PPP4R4: variants seen among roughly 807,000 people sequenced by gnomAD.
PPP4R4 encodes protein phosphatase 4 regulatory subunit 4, also known as serine/threonine-protein phosphatase 4 regulatory subunit 4.
PPP4R4 carries 70 observed loss-of-function variants against 121.8 expected under a neutral mutation model. The observed-to-expected ratio is 0.57, with a 90% CI of 0.47 to 0.70. The LOEUF is 0.70. PPP4R4 is among the 30% of genes least tolerant of loss of function. The probability of loss-of-function intolerance (pLI) is 0.00; values close to 1 mark genes in which losing one functional copy is unlikely to be tolerated. For missense variants in PPP4R4, 875 were observed against 1,033.6 expected (o/e 0.85, Z 2.10); for synonymous variants, 348 against 355.7 (o/e 0.98, Z 0.24).
intron 3 of PPP4R4, among the ~76,000 whole-genome samples, chr14:94,228,943 A>G (rs1004236947): frequency 1.3e-5 from 2 of 152,164 alleles, no homozygotes; most frequent in African/African-American, 4.8e-5. Context: ...GGAAGGCCTC[A>G]TTGACAAGGT....
chr14:94,273,065 TGGAACATC>T (rs994099365), intron 23 of PPP4R4, among the ~76,000 whole-genome samples: 2 of 152,210 alleles, frequency 1.3e-5, no homozygotes, highest in African/African-American at 4.8e-5. Flanking sequence ...ACAGCCACTA[TGGAACATC>T]AGTTTGGTAG....
chr14:94,207,661 T>A (rs896941695), intron 2 of PPP4R4, among the ~76,000 whole-genome samples: 2 of 151,900 alleles, frequency 1.3e-5, no homozygotes, highest in Middle Eastern at 3.4e-3. Context: ...TCTGAGGTGA[T>A]GCCATGTTTA....
At chr14:94,243,774 AT>A (rs545308187) in intron 11 of PPP4R4, among the ~76,000 whole-genome samples, 1,939 of 143,964 alleles carry the variant, frequency 0.013, 20 homozygotes, top group South Asian at 0.033. Context: ...GCTAGTGTAA[AT>A]TTTTTTTTTT....
chr14:94,273,661 C>T (rs142972928), intron 23 of PPP4R4, among the ~76,000 whole-genome samples: 5 of 152,106 alleles, frequency 3.3e-5, no homozygotes, highest in East Asian at 1.9e-4. Flanking sequence ...AACAAATGTA[C>T]CACTGGTGGG....
intron 3 of PPP4R4, among the ~76,000 whole-genome samples, chr14:94,228,961 G>C (rs1891869043): frequency 6.6e-6 from 1 of 152,152 alleles, no homozygotes; most frequent in African/African-American, 2.4e-5. Context: ...GGTGGTATTT[G>C]AGTAGAGGCT....
At position 94,208,460 on chromosome 14, in the gene PPP4R4, T is replaced by A; in HGVS notation, c.192-4T>A. On this transcript the variant is annotated splice_region_variant and splice_polypyrimidine_tract_variant and intron_variant, in intron 2 of 24. Coordinates refer to ENST00000304338, the MANE Select transcript of PPP4R4 (RefSeq NM_058237.2). Reference sequence around the variant, plus strand: ...AAATTTTAAATTTGTGTTTTCTTTGTAAGTGCTGGTCAAGATGTCCAAGGA... The same window carrying A: ...AAATTTTAAATTTGTGTTTTCTTTGAAAGTGCTGGTCAAGATGTCCAAGGA... 2 of 1,596,922 alleles carry A rather than the reference T, an allele frequency of 1.3e-6. No homozygotes were observed. The highest frequency in any genetic ancestry group is 2.2e-5 in the South Asian group (2 of 90,102).
At chr14:94,193,965 G>A (rs1006944276) in intron 2 of PPP4R4, among the ~76,000 whole-genome samples, 7 of 152,170 alleles carry the variant, frequency 4.6e-5, no homozygotes, top group African/African-American at 1.7e-4. Flanking sequence ...CCAGCTGTTG[G>A]TCACTCACCT....
intron 2 of PPP4R4, among the ~76,000 whole-genome samples, chr14:94,178,821 C>G (rs567949185): frequency 6.6e-6 from 1 of 152,170 alleles, no homozygotes; most frequent in African/African-American, 2.4e-5. Flanking sequence ...CCTGTTTTTT[C>G]TCTTCTTTGT....
intron 2 of PPP4R4, among the ~76,000 whole-genome samples, chr14:94,199,793 C>T (rs1005809950): frequency 2.0e-5 from 3 of 152,264 alleles, no homozygotes; most frequent in South Asian, 2.1e-4. Flanking sequence ...TGCTCTTATG[C>T]GGATGCGCTC....
At chr14:94,201,230 G>GT (rs1439621203) in intron 2 of PPP4R4, among the ~76,000 whole-genome samples, 1 of 152,144 alleles carries the variant, frequency 6.6e-6, no homozygotes, top group Non-Finnish European at 1.5e-5. Flanking sequence ...ATTGAGACTT[G>GT]TTTTGTGGCC....
chr14:94,262,476 C>T (rs1893836484), intron 19 of PPP4R4, among the ~76,000 whole-genome samples: 2 of 151,738 alleles, frequency 1.3e-5, no homozygotes, highest in Admixed American at 1.3e-4. Flanking sequence ...AATATCCATA[C>T]CTAACCTTTT....
intron 3 of PPP4R4, among the ~76,000 whole-genome samples, chr14:94,226,456 A>T (rs1891706711): frequency 6.6e-6 from 1 of 152,120 alleles, no homozygotes; most frequent in Non-Finnish European, 1.5e-5. Context: ...GATCTCATCT[A>T]GTCCTTTACA....
chr14:94,202,389 A>T (rs868469987), intron 2 of PPP4R4, among the ~76,000 whole-genome samples: 1 of 152,244 alleles, frequency 6.6e-6, no homozygotes, highest in African/African-American at 2.4e-5. Flanking sequence ...TTATTCAAAG[A>T]TATAAATAAA....
At chr14:94,247,432 A>C (rs1321655141) in intron 14 of PPP4R4, among the ~76,000 whole-genome samples, 1 of 152,170 alleles carries the variant, frequency 6.6e-6, no homozygotes, top group African/African-American at 2.4e-5. Flanking sequence ...CTGCCCAGGG[A>C]TCTCCCATCT....
chr14:94,265,011 G>C, intron 20 of PPP4R4, 64 bp downstream of exon 20: 6 of 1,227,696 alleles, frequency 4.9e-6, no homozygotes, highest in Non-Finnish European at 6.9e-6. Context: ...CTGGTATTCT[G>C]AAAGACCATG....
At chr14:94,177,152 C>A (rs1329661553) in intron 2 of PPP4R4, among the ~76,000 whole-genome samples, 1 of 151,868 alleles carries the variant, frequency 6.6e-6, no homozygotes, top group Non-Finnish European at 1.5e-5. Context: ...TCATGAGTTT[C>A]TGTTGTAACT....
intron 3 of PPP4R4, among the ~76,000 whole-genome samples, chr14:94,221,282 G>A (rs1449838241): frequency 1.3e-5 from 2 of 152,086 alleles, no homozygotes; most frequent in South Asian, 2.1e-4. Flanking sequence ...GAAACCATAA[G>A]AGAAAATTTT....
intron 23 of PPP4R4, among the ~76,000 whole-genome samples, chr14:94,273,817 T>C (rs1476594588): frequency 2.0e-5 from 3 of 152,090 alleles, no homozygotes; most frequent in Admixed American, 6.5e-5. Context: ...ATATCCATAT[T>C]AAAGAAACAA....
intron 1 of PPP4R4, 43 bp from the exon 2 acceptor site, chr14:94,176,011 A>G (rs2139365199): frequency 6.6e-7 from 1 of 1,505,270 alleles, no homozygotes; most frequent in South Asian, 1.1e-5. Flanking sequence ...GCAAGACTGA[A>G]CCAATATTTG....
Sources: allele counts gnomAD v4.1 joint callset (sites outside exome capture counted in the v4.1 genomes callset), GRCh38; gene constraint gnomAD v4.1.1; transcripts MANE v1.5; gene names NCBI Gene and HGNC (gene_info 2026-07-23, HGNC 2026-07-21).